The following NRG2 variants were observed in gnomAD, a reference collection of about 807,000 sequenced individuals.
The protein encoded by NRG2 is neuregulin 2, also known as pro-neuregulin-2, membrane-bound isoform.
In NRG2, 27 loss-of-function variants were observed where a neutral mutation model predicts 73.9. The ratio of observed to expected loss-of-function variants is 0.37; its 90% CI spans 0.27 to 0.50. NRG2 has a LOEUF of 0.50. Among genes scored for constraint, NRG2 ranks in the 20% least tolerant of loss-of-function variants. NRG2 has a pLI of 0.96. For synonymous variants in NRG2, 532 were observed against 541.0 expected (o/e 0.98, Z 0.23); for missense variants, 1,126 against 1,210.1 (o/e 0.93, Z 1.03).
rs1761410892 is a variant in NRG2 at position 139,851,467 on chromosome 5, T to TA, written c.1772+136dup. ...TCTGAGCAGGCCATTTCACCTTTTC[T>TA]AGGACCTTGTTTTCCCATATGAAAA... On this transcript the variant is annotated intron_variant, in intron 9 of 9. Transcript: ENST00000361474. This position sits in a 1 kb window ranked among gnomAD's most constrained non-coding sequence, Gnocchi z 4.2. 2.4e-6 allele frequency: 2 copies of TA among 819,206 alleles called. No individual in the cohort carries two copies. The highest frequency in any genetic ancestry group is 7.3e-4 in the Middle Eastern group (2 of 2,734). 50.7% of individuals were successfully genotyped at this position (819,206 alleles called of 1,614,324 possible). A position where few individuals can be genotyped will look rare whatever the true frequency, so the allele number is the denominator to read the frequency against.
At chr5:140,005,411 A>T (rs1758816816) in intron 1 of NRG2, among the ~76,000 whole-genome samples, 1 of 152,218 alleles carries the variant, frequency 6.6e-6, no homozygotes, top group Non-Finnish European at 1.5e-5. Flanking sequence ...CCTCCTCCCC[A>T]GCACTATGAA....
Position 139,930,914 on chromosome 5 carries a change from G to A in NRG2, c.701-43403C>T, listed in dbSNP as rs547193695. 1.2e-4 allele frequency among the ~76,000 whole-genome samples: 18 copies of A among 152,268 alleles called. No individual in the cohort carries two copies. The East Asian group carries it at 2.3e-3, about 20-fold the overall frequency. Reference sequence around the variant, plus strand: ...AGATTTATCTGGGTCTGTTTCACACGGTAACAGTCAGACTAGTGGCCAGAA... The same window carrying A: ...AGATTTATCTGGGTCTGTTTCACACAGTAACAGTCAGACTAGTGGCCAGAA... On this transcript the variant is annotated intron_variant, in intron 1 of 9. Transcript: ENST00000361474.
intron 1 of NRG2, among the ~76,000 whole-genome samples, chr5:139,922,861 C>G (rs2126327740): frequency 1.3e-5 from 2 of 152,204 alleles, no homozygotes; most frequent in Non-Finnish European, 2.9e-5. Flanking sequence ...GAAAAGGCTA[C>G]ATACTGTATG....
intron 1 of NRG2, among the ~76,000 whole-genome samples, chr5:139,962,285 G>A (rs1755127853): frequency 6.6e-6 from 1 of 152,202 alleles, no homozygotes; most frequent in Non-Finnish European, 1.5e-5. Context: ...AGCATAGAAA[G>A]AGGGAGGCTG....
In NRG2 at chr5:139,915,389, A is replaced by G. The variant is rs982991958; in HGVS notation, c.701-27878T>C. On this transcript the variant is annotated intron_variant, in intron 1 of 9. Coordinates refer to ENST00000361474, the MANE Select transcript of NRG2 (RefSeq NM_004883.3). This position sits in a 1 kb window ranked among gnomAD's most constrained non-coding sequence, Gnocchi z 4.0. ...AGTTGAAATGAGGATTCAATTCAGCAGTTTCCAGCCTCTGTAAGGAAGTGG... is the reference window on the plus strand; with the variant it reads ...AGTTGAAATGAGGATTCAATTCAGCGGTTTCCAGCCTCTGTAAGGAAGTGG... Among the ~76,000 whole-genome samples the G allele has an allele frequency of 3.3e-5, 5 of 152,210 alleles. No homozygotes were observed. The highest frequency in any genetic ancestry group is 1.2e-4 in the African/African-American group (5 of 41,442).
rs1761467484 is a variant in NRG2 at position 139,851,974 on chromosome 5, ATTG to A, written c.1545-146_1545-144del. On this transcript the variant is annotated intron_variant, in intron 8 of 9. Transcript: ENST00000361474. This position sits in a 1 kb window ranked among gnomAD's most constrained non-coding sequence, Gnocchi z 4.2. ...CCTTCTCCACTCTGGGGTGATGTGT[ATTG>A]TTGCAAATGCCCAACCCCAATATTG... 1.5e-6 allele frequency: 1 copy of A among 685,376 alleles called. No homozygotes were observed. The highest frequency in any genetic ancestry group is 1.8e-5 in the African/African-American group (1 of 55,640). 42.5% of individuals were successfully genotyped at this position (685,376 alleles called of 1,614,324 possible).
In NRG2 at chr5:140,008,164, G is replaced by T. The variant is rs557013077; in HGVS notation, c.700+34206C>A. 7.2e-5 allele frequency among the ~76,000 whole-genome samples: 11 copies of T among 152,286 alleles called. No homozygotes were observed. Among genetic ancestry groups the T allele is most frequent in the Middle Eastern group, 6.8e-3 (2 of 294 alleles). Reference sequence around the variant, plus strand: ...GTCCCATTTTGCTGCAGCCACTGAGGGTAAGTGCAGAGTCTATGCAGAAGA... The same window carrying T: ...GTCCCATTTTGCTGCAGCCACTGAGTGTAAGTGCAGAGTCTATGCAGAAGA... On this transcript the variant is annotated intron_variant, in intron 1 of 9. Coordinates refer to ENST00000361474, the MANE Select transcript of NRG2 (RefSeq NM_004883.3). This position sits in a 1 kb window ranked among gnomAD's most constrained non-coding sequence, Gnocchi z 4.2.
rs1243676564 is a variant in NRG2 at position 140,042,470 on chromosome 5, G to A, written c.600C>T (p.Pro200=). The change falls in exon 1 of 10, where the codon CCC becomes CCT. Residue 200 remains proline (P), a synonymous_variant. Coordinates refer to ENST00000361474, the MANE Select transcript of NRG2 (RefSeq NM_004883.3). Reference sequence around the variant, plus strand: ...TCTTAAAGACTAAGGGCTGTTCCGTGGGCTCCAGGAAAAAGATGTAGCGCT... The same window carrying A: ...TCTTAAAGACTAAGGGCTGTTCCGTAGGCTCCAGGAAAAAGATGTAGCGCT... The part of the protein sequence containing the change: ...RNQRYIFFLE[P]TEQPLVFKTA... The A allele has an allele frequency of 1.9e-6, 3 of 1,613,450 alleles. No homozygotes were observed. The highest frequency in any genetic ancestry group is 2.5e-6 in the Non-Finnish European group (3 of 1,179,818).
chr5:139,926,976 C>T (rs145101060), intron 1 of NRG2, among the ~76,000 whole-genome samples: 2 of 152,332 alleles, frequency 1.3e-5, no homozygotes, highest in Non-Finnish European at 2.9e-5. Flanking sequence ...TCCAACCAGA[C>T]CTTCTGCCAG....
chr5:140,029,687 C>CAAAAAAAAAAAAAAAAA lies in NRG2; in HGVS notation c.700+12682_700+12683insTTTTTTTTTTTTTTTTT, dbSNP rs34122778. Among the ~76,000 whole-genome samples, 27 of 61,284 alleles carry CAAAAAAAAAAAAAAAAA rather than the reference C, an allele frequency of 4.4e-4. 1 individual carries two copies. The highest frequency in any genetic ancestry group is 6.1e-4 in the Non-Finnish European group (17 of 27,934). 40.2% of individuals were successfully genotyped at this position (61,284 alleles called of 152,430 possible). ...TGGGTGACAGAGCAAGACTCTGTCT[C>CAAAAAAAAAAAAAAAAA]AAAAAAAAAAAAAAAAGCTCCAGCG... On this transcript the variant is annotated intron_variant, in intron 1 of 9. Coordinates refer to ENST00000361474, the MANE Select transcript of NRG2 (RefSeq NM_004883.3).
intron 1 of NRG2, among the ~76,000 whole-genome samples, chr5:139,959,266 C>T (rs1387985911): frequency 6.6e-6 from 1 of 152,226 alleles, no homozygotes; most frequent in African/African-American, 2.4e-5. Flanking sequence ...ATGGCACGAT[C>T]TCAGCTCACT....
chr5:139,947,632 C>T (rs1487086293), intron 1 of NRG2, among the ~76,000 whole-genome samples: 1 of 152,140 alleles, frequency 6.6e-6, no homozygotes, highest in African/African-American at 2.4e-5. Flanking sequence ...CAGACTTTTC[C>T]AAACCAACTG....
intron 1 of NRG2, among the ~76,000 whole-genome samples, chr5:139,988,731 C>G (rs981915399): frequency 6.6e-6 from 1 of 151,796 alleles, no homozygotes; most frequent in Non-Finnish European, 1.5e-5. Flanking sequence ...TACACATGTC[C>G]AAACCCATAG....
chr5:140,034,941 G>T (rs1011926267), intron 1 of NRG2, among the ~76,000 whole-genome samples: 1 of 152,060 alleles, frequency 6.6e-6, no homozygotes, highest in African/African-American at 2.4e-5. Flanking sequence ...ATCACCCTAG[G>T]CTGGACGCAG....
At chr5:140,023,283 C>A (rs185505108) in intron 1 of NRG2, among the ~76,000 whole-genome samples, 3 of 152,228 alleles carry the variant, frequency 2.0e-5, no homozygotes, top group Admixed American at 2.0e-4. Flanking sequence ...CTACCCCAAC[C>A]ATGCTAATCT....
intron 1 of NRG2, among the ~76,000 whole-genome samples, chr5:140,001,627 C>A (rs1161553726): frequency 6.6e-6 from 1 of 150,484 alleles, no homozygotes; most frequent in Non-Finnish European, 1.5e-5. Context: ...TTTGGCAGGG[C>A]AAGGTGGGAG....
chr5:139,987,643 T>G (rs1018772308), intron 1 of NRG2, among the ~76,000 whole-genome samples: 5 of 152,214 alleles, frequency 3.3e-5, no homozygotes, highest in African/African-American at 1.2e-4. Context: ...GACAGGTGGA[T>G]GTTGCCTCAT....
chr5:139,896,907 C>T (rs1422717), intron 1 of NRG2, among the ~76,000 whole-genome samples: 24,765 of 152,156 alleles, frequency 0.16, 2,124 homozygotes, highest in Middle Eastern at 0.29. Context: ...GAAAGGCCGC[C>T]CACCTTCCTT....
At position 139,974,232 on chromosome 5, in the gene NRG2, C is replaced by T. The variant is rs533783338; in HGVS notation, c.700+68138G>A. Among the ~76,000 whole-genome samples the T allele has an allele frequency of 5.3e-5, 8 of 152,214 alleles. 1 individual carries two copies. Among genetic ancestry groups the T allele is most frequent in the African/African-American group, 1.9e-4 (8 of 41,540 alleles). Reference sequence around the variant, plus strand: ...ATTCCAATTCCTCACTAGGGTTTTCCTCCTCACCGAGAAAATGAAAAACTA... The same window carrying T: ...ATTCCAATTCCTCACTAGGGTTTTCTTCCTCACCGAGAAAATGAAAAACTA... On this transcript the variant is annotated intron_variant, in intron 1 of 9. Coordinates refer to ENST00000361474, the MANE Select transcript of NRG2 (RefSeq NM_004883.3).
Sources: gnomAD v4.1 joint callset for allele counts (sites outside exome capture counted in the v4.1 genomes callset) on GRCh38, gnomAD v4.1.1 for gene constraint, Gnocchi (gnomAD v3.1) non-coding constraint, MANE v1.5 for transcripts, NCBI Gene and HGNC (gene_info 2026-07-23, HGNC 2026-07-21) for gene names.